ANO4: variants seen among roughly 807,000 people sequenced by gnomAD.
ANO4 encodes anoctamin 4.
ANO4 carries 69 observed loss-of-function variants against 141.9 expected under a neutral mutation model. The observed-to-expected ratio is 0.49, with a 90% CI of 0.40 to 0.59. ANO4 has a LOEUF of 0.59. ANO4 is among the 20% of genes least tolerant of loss of function. The probability of loss-of-function intolerance (pLI) is 0.00; values close to 1 mark genes in which losing one functional copy is unlikely to be tolerated. For missense variants in ANO4, 894 were observed against 1,162.2 expected (o/e 0.77, Z 3.36); for synonymous variants, 350 against 394.3 (o/e 0.89, Z 1.33).
At chr12:101,014,128 A>G (rs2046219337) in intron 8 of ANO4, among the ~76,000 whole-genome samples, 1 of 152,016 alleles carries the variant, frequency 6.6e-6, no homozygotes, top group East Asian at 1.9e-4. Context: ...ATGCCCATAT[A>G]TACACACCCT....
intron 4 of ANO4, 83 bp from the exon 5 acceptor site, chr12:100,942,294 A>G: frequency 6.7e-7 from 1 of 1,488,292 alleles, no homozygotes; most frequent in Non-Finnish European, 9.1e-7. Context: ...AAAGTTATTT[A>G]GTTTTAATTG....
At chr12:100,946,888 G>A (rs1314701763) in intron 5 of ANO4, among the ~76,000 whole-genome samples, 1 of 152,206 alleles carries the variant, frequency 6.6e-6, no homozygotes, top group Non-Finnish European at 1.5e-5. Flanking sequence ...GTGTGGTTCA[G>A]GAGAGATGGA....
intron 7 of ANO4, 40 bp from the exon 8 acceptor site, chr12:100,987,499 A>G (rs1333199452): frequency 2.0e-5 from 32 of 1,602,464 alleles, no homozygotes; most frequent in Non-Finnish European, 2.7e-5. Context: ...GGCATTGCTG[A>G]CATGCTGTAC....
chr12:100,858,071 T>C (rs1448014210), intron 1 of ANO4, among the ~76,000 whole-genome samples: 1 of 152,000 alleles, frequency 6.6e-6, no homozygotes, highest in Non-Finnish European at 1.5e-5. Context: ...GAGCGATTTC[T>C]TAAATGAAGG....
intron 23 of ANO4, 41 bp from the exon 24 acceptor site, chr12:101,111,522 G>A (rs1161322662): frequency 6.7e-7 from 1 of 1,490,484 alleles, no homozygotes; most frequent in South Asian, 1.4e-5. Flanking sequence ...TATCACCTCT[G>A]TTTTGTGTAT....
chr12:100,939,619 C>T (rs2042424938), intron 4 of ANO4, among the ~76,000 whole-genome samples, 168 bp downstream of exon 4: 1 of 152,196 alleles, frequency 6.6e-6, no homozygotes, highest in East Asian at 1.9e-4. Flanking sequence ...AAGCATATTT[C>T]AAGGATCCTA....
intron 1 of ANO4, among the ~76,000 whole-genome samples, chr12:100,729,551 T>C (rs1333351450): frequency 6.6e-6 from 1 of 152,116 alleles, no homozygotes; most frequent in Admixed American, 6.6e-5. Flanking sequence ...AGAAATAATG[T>C]GTCCAGGGGT....
intron 14 of ANO4, among the ~76,000 whole-genome samples, chr12:101,058,861 T>C (rs1326409174): frequency 6.6e-6 from 1 of 152,202 alleles, no homozygotes; most frequent in Admixed American, 6.5e-5. Flanking sequence ...TATTTCTTTC[T>C]CTTGCCTGAT....
intron 24 of ANO4, 22 bp from the exon 25 acceptor site, chr12:101,116,657 T>C: frequency 6.2e-7 from 1 of 1,614,098 alleles, no homozygotes; most frequent in East Asian, 2.2e-5. Flanking sequence ...GTTCTAATGG[T>C]AGAATGTGCC....
intron 5 of ANO4, among the ~76,000 whole-genome samples, chr12:100,944,113 T>A (rs948684491): frequency 2.6e-5 from 4 of 152,218 alleles, no homozygotes; most frequent in Admixed American, 2.6e-4. Context: ...ATAGATCTTT[T>A]CAATGTTATT....
At chr12:100,819,902 A>G (rs2035942260) in intron 1 of ANO4, among the ~76,000 whole-genome samples, 1 of 151,930 alleles carries the variant, frequency 6.6e-6, no homozygotes, top group South Asian at 2.1e-4. Context: ...TTGAATCACC[A>G]TGAATGGTGC....
intron 1 of ANO4, among the ~76,000 whole-genome samples, chr12:100,823,417 T>C (rs1271789426): frequency 1.3e-5 from 2 of 152,074 alleles, no homozygotes; most frequent in Non-Finnish European, 2.9e-5. Context: ...CACCCCTTTT[T>C]GTCATTTAAA....
intron 14 of ANO4, chr12:101,069,177 A>T: frequency 7.7e-7 from 1 of 1,295,934 alleles, no homozygotes; most frequent in African/African-American, 1.5e-5. Context: ...GAAATAAAAC[A>T]TGCGAGGAAC....
intron 3 of ANO4, among the ~76,000 whole-genome samples, chr12:100,752,721 A>C (rs2032439879): frequency 6.6e-6 from 1 of 152,168 alleles, no homozygotes; most frequent in Non-Finnish European, 1.5e-5. Flanking sequence ...TGTCTCCCAG[A>C]GTTGGCAAAG....
At chr12:100,845,877 A>C (rs577773372) in intron 1 of ANO4, among the ~76,000 whole-genome samples, 91 of 152,306 alleles carry the variant, frequency 6.0e-4, no homozygotes, top group Non-Finnish European at 1.1e-3. Flanking sequence ...AGTTTCATTG[A>C]GTAGAGGAAA....
intron 5 of ANO4, among the ~76,000 whole-genome samples, chr12:100,949,524 ACTT>A (rs1447350434): frequency 6.6e-6 from 1 of 152,176 alleles, no homozygotes; most frequent in Non-Finnish European, 1.5e-5. Context: ...CATTTAGTAA[ACTT>A]CATTATTATC....
chr12:100,866,095 CAA>C (rs745563234), intron 1 of ANO4, among the ~76,000 whole-genome samples: 27 of 152,082 alleles, frequency 1.8e-4, no homozygotes, highest in Admixed American at 3.9e-4. Context: ...GCAGGGTTGA[CAA>C]GAGAGGAGAG....
chr12:100,734,839 A>G (rs1169458733), intron 2 of ANO4, among the ~76,000 whole-genome samples: 1 of 152,270 alleles, frequency 6.6e-6, no homozygotes, highest in East Asian at 1.9e-4. Context: ...ACATAGAACT[A>G]TATATAGACA....
intron 21 of ANO4, among the ~76,000 whole-genome samples, chr12:101,099,095 C>T (rs557464336): frequency 6.6e-6 from 1 of 152,110 alleles, no homozygotes; most frequent in Non-Finnish European, 1.5e-5. Flanking sequence ...CAAACAAGTC[C>T]AGTTGTAGAA....
Sources: gnomAD v4.1 joint callset for allele counts (sites outside exome capture counted in the v4.1 genomes callset) on GRCh38, gnomAD v4.1.1 for gene constraint, MANE v1.5 for transcripts, NCBI Gene and HGNC (gene_info 2026-07-23, HGNC 2026-07-21) for gene names.